Variants in ITGA5 observed in about 807,000 individuals in gnomAD.
The protein encoded by ITGA5 is integrin alpha-5.
A neutral mutation model predicts 146.3 loss-of-function variants in ITGA5; 55 were observed. The observed-to-expected ratio is 0.38, with a 90% CI of 0.30 to 0.47. The LOEUF (loss-of-function observed/expected upper bound fraction) is 0.47, where lower values mean the gene tolerates loss of function less well. ITGA5 is among the 20% of genes least tolerant of loss of function. The pLI is 0.99. For synonymous variants in ITGA5, 500 were observed against 531.8 expected (o/e 0.94, Z 0.82); for missense variants, 1,131 against 1,329.0 (o/e 0.85, Z 2.32).
rs1321140126 is a variant in ITGA5, at chr12:54,409,615, G to C, written c.350-18C>G. ...CCGAGAGCCTTGTGGAAGTGAGAAG[G>C]GGGAGTCTTACTGAGCCATGGACAT... On this transcript the variant is annotated intron_variant, in intron 2 of 29. Coordinates refer to ENST00000293379, the MANE Select transcript of ITGA5 (RefSeq NM_002205.5). The surrounding 1 kb of genome is among the most constrained non-coding windows in gnomAD (Gnocchi z 4.7). 5.1e-6 allele frequency: 8 copies of C among 1,558,492 alleles called. No homozygotes were observed. Among genetic ancestry groups the C allele is most frequent in the Non-Finnish European group, 7.1e-6 (8 of 1,134,484 alleles).
chr12:54,411,981 C>T lies in ITGA5; in HGVS notation c.219-17G>A, dbSNP rs1249181. On this transcript the variant is annotated splice_polypyrimidine_tract_variant and intron_variant, in intron 1 of 29. Coordinates refer to ENST00000293379, the MANE Select transcript of ITGA5 (RefSeq NM_002205.5). Reference sequence around the variant, plus strand: ...ACACTGACCCTGTGGGGGGGAAAAGCGAGGCAGTTGAGGATGGCTCCTAGC... The same window carrying T: ...ACACTGACCCTGTGGGGGGGAAAAGTGAGGCAGTTGAGGATGGCTCCTAGC... The T allele has an allele frequency of 0.9, 1,394,505 of 1,554,872 alleles. 626,651 individuals carry two copies. Among genetic ancestry groups the T allele is most frequent in the East Asian group, 0.92 (38,786 of 42,168 alleles).
At chr12:54,397,153 A>T in intron 29 of ITGA5, 2 of 444,452 alleles carry the variant, frequency 4.5e-6, no homozygotes, top group Admixed American at 3.8e-5. Context: ...CAAACTTATC[A>T]TCTTGAGTCA....
intron 7 of ITGA5, 79 bp from the exon 8 acceptor site, chr12:54,407,955 C>T: frequency 6.6e-7 from 1 of 1,519,618 alleles, no homozygotes; most frequent in Non-Finnish European, 8.9e-7. Flanking sequence ...AATCCCTTCC[C>T]CACCCCTACT....
intron 8 of ITGA5, 31 bp from the exon 9 acceptor site, chr12:54,407,723 G>A: frequency 6.2e-7 from 1 of 1,611,672 alleles, no homozygotes; most frequent in Non-Finnish European, 8.5e-7. Context: ...TGTGACCTAA[G>A]GGTGGGGAAA....
At chr12:54,396,433 C>A (rs1955711632) in intron 29 of ITGA5, 57 bp from the exon 30 acceptor site, 5 of 1,373,174 alleles carry the variant, frequency 3.6e-6, no homozygotes, top group East Asian at 2.3e-5. Flanking sequence ...TTCTCCACAG[C>A]TCTTATTCCA....
chr12:54,405,654 C>T lies in ITGA5; in HGVS notation c.1016+10G>A, dbSNP rs1955856694. On this transcript the variant is annotated intron_variant, in intron 11 of 29. Transcript: ENST00000293379. The stretch of plus-strand genomic sequence containing the variant: ...AGGGTATCACAGTGCGCTCATTTCC[C>T]ACCACTCACCCGTCCCCATTGACGT... 2 of 1,610,682 alleles carry T rather than the reference C, an allele frequency of 1.2e-6. No homozygotes were observed. Among genetic ancestry groups the T allele is most frequent in the Non-Finnish European group, 8.5e-7 (1 of 1,177,342 alleles).
At chr12:54,404,379 C>T (rs185312486) in intron 14 of ITGA5, 51 bp downstream of exon 14, 1 of 1,600,428 alleles carries the variant, frequency 6.2e-7, no homozygotes, top group Non-Finnish European at 8.6e-7. Flanking sequence ...TGAGAAATTT[C>T]CAGTTCCAGT....
chr12:54,419,032 G>A lies in ITGA5; in HGVS notation c.167C>T (p.Pro56Leu), dbSNP rs777360125. ...CACTGAGAATCCGAAGAAGGAGCCC[G>A]GGGGCCCCGAGAGTACTGCTGGGGC... is the stretch of plus-strand genomic sequence containing the variant. The part of the protein sequence containing the change: ...AEAPAVLSGP[P>L]GSFFGFSVEF... Residue 56 changes from proline to leucine, a missense_variant, in exon 1 of 30, where the codon CCG becomes CTG. By Grantham distance (98) the Pro-to-Leu change is moderately conservative. Around this residue, in one of 3 missense-constraint regions of ITGA5, gnomAD observed 175 missense variants for 179.3 expected, o/e 0.98. Transcript: ENST00000293379. The A allele has an allele frequency of 1.3e-6, 2 of 1,597,684 alleles. No individual in the cohort carries two copies. The highest frequency in any genetic ancestry group is 2.2e-5 in the South Asian group (2 of 89,264).
rs2120580595 is a variant in ITGA5 at position 54,416,038 on chromosome 12, G to T, written c.218+2943C>A. On this transcript the variant is annotated intron_variant, in intron 1 of 29. Transcript: ENST00000293379. This position sits in a 1 kb window ranked among gnomAD's most constrained non-coding sequence, Gnocchi z 4.1. ...GTTCAAAATTTCTATGACTCCTGAA[G>T]CCTCAGTTGTTTTTATTTTTTGTTT... 6.6e-6 allele frequency among the ~76,000 whole-genome samples: 1 copy of T among 152,238 alleles called. No individual in the cohort carries two copies. The highest frequency in any genetic ancestry group is 2.1e-4 in the South Asian group (1 of 4,818).
chr12:54,414,104 A>T (rs756865559), intron 1 of ITGA5, among the ~76,000 whole-genome samples: 1 of 152,214 alleles, frequency 6.6e-6, no homozygotes, highest in African/African-American at 2.4e-5. Context: ...CAGGCAAGGG[A>T]CACAGACCTA....
At position 54,405,278 on chromosome 12, in the gene ITGA5, G is replaced by T; in HGVS notation, c.1113C>A (p.His371Gln). 1 of 1,613,958 alleles carries T rather than the reference G, an allele frequency of 6.2e-7. No individual in the cohort carries two copies. The highest frequency in any genetic ancestry group is 8.5e-7 in the Non-Finnish European group (1 of 1,179,950). Reference protein sequence around the residue: ...EVGRVYVYLQHPAGIEPTPTL... With the variant: ...EVGRVYVYLQQPAGIEPTPTL... ...TGGGCGTGGGCTCTATGCCGGCTGGGTGCTGCAGGTAGACGTAGACCCTGC... is the reference window on the plus strand; with the variant it reads ...TGGGCGTGGGCTCTATGCCGGCTGGTTGCTGCAGGTAGACGTAGACCCTGC... Residue 371 changes from histidine to glutamine, a missense_variant, in exon 12 of 30, where the codon CAC becomes CAA. Physicochemically the swap from His to Gln is conservative, Grantham distance 24. Transcript: ENST00000293379.
intron 1 of ITGA5, among the ~76,000 whole-genome samples, chr12:54,414,799 A>G (rs1366208245): frequency 6.6e-6 from 1 of 150,494 alleles, no homozygotes; most frequent in Non-Finnish European, 1.5e-5. Context: ...GGGAGCCGAG[A>G]TCACGCCACT....
rs930773908 is a variant in ITGA5, at chr12:54,396,129, C to A, written c.*164G>T. 1.7e-6 allele frequency: 1 copy of A among 604,170 alleles called. No individual in the cohort carries two copies. Among genetic ancestry groups the A allele is most frequent in the Non-Finnish European group, 3.0e-6 (1 of 337,324 alleles). The allele number at this position is 604,170 out of a possible 1,614,324, so 37.4% of individuals were successfully genotyped here. A position where few individuals can be genotyped will look rare whatever the true frequency, so the allele number is the denominator to read the frequency against. On this transcript the variant is annotated 3_prime_UTR_variant, in exon 30 of 30. Coordinates refer to ENST00000293379, the MANE Select transcript of ITGA5 (RefSeq NM_002205.5). The stretch of plus-strand genomic sequence containing the variant: ...GCATGGGGGGGAGGGATCCCCAGCT[C>A]CTCACCCCCCTGGCTCTGGCCCTTC...
chr12:54,404,549 T>C, intron 13 of ITGA5, 74 bp from the exon 14 acceptor site: 2 of 1,573,794 alleles, frequency 1.3e-6, no homozygotes, highest in Non-Finnish European at 1.7e-6. Context: ...CCCTCCTGGT[T>C]TCAACGCTCA....
At chr12:54,405,425 A>G in intron 11 of ITGA5, 51 bp from the exon 12 acceptor site, 1 of 1,412,002 alleles carries the variant, frequency 7.1e-7, no homozygotes, top group Non-Finnish European at 9.7e-7. Context: ...TTGCCACCCC[A>G]CCCCAATCCT....
chr12:54,401,735 G>C lies in ITGA5; in HGVS notation c.2306+41C>G. On this transcript the variant is annotated intron_variant, in intron 22 of 29. Coordinates refer to ENST00000293379, the MANE Select transcript of ITGA5 (RefSeq NM_002205.5). This position sits in a 1 kb window ranked among gnomAD's most constrained non-coding sequence, Gnocchi z 5.0. Reference sequence around the variant, plus strand: ...AGAATGGCGCCCAGCCCTCCCTTCCGTCCCCAGCTCAGCCCCAGCCTAGAC... The same window carrying C: ...AGAATGGCGCCCAGCCCTCCCTTCCCTCCCCAGCTCAGCCCCAGCCTAGAC... 1.9e-6 allele frequency: 3 copies of C among 1,610,502 alleles called. No homozygotes were observed. Among genetic ancestry groups the C allele is most frequent in the Middle Eastern group, 1.7e-4 (1 of 6,056 alleles).
Position 54,402,082 on chromosome 12 carries a change from G to A in ITGA5, c.2145C>T (p.Ser715=), listed in dbSNP as rs143413339. The change falls in exon 21 of 30, where the codon AGC becomes AGT. Residue 715 remains serine, a synonymous_variant. Transcript: ENST00000293379. Reference sequence around the variant, plus strand: ...TCACGGCAAAGTAGTCACAGCTCAGGCTGGAGAAGTTCTGGAGATGGGGTG... The same window carrying A: ...TCACGGCAAAGTAGTCACAGCTCAGACTGGAGAAGTTCTGGAGATGGGGTG... ...GLVRHPGNFS[S]LSCDYFAVNQ... is the part of the protein sequence containing the mutation. 17 of 1,614,046 alleles carry A rather than the reference G, an allele frequency of 1.1e-5. No homozygotes were observed. The African/African-American group carries it at 1.1e-4, about 10-fold the overall frequency.
At position 54,401,844 on chromosome 12, in the gene ITGA5, G is replaced by T. The variant is rs760467852; in HGVS notation, c.2238C>A (p.Gly746=). 1.9e-6 allele frequency: 3 copies of T among 1,614,062 alleles called. No homozygotes were observed. The highest frequency in any genetic ancestry group is 2.5e-6 in the Non-Finnish European group (3 of 1,179,938). Reference sequence around the variant, plus strand: ...GGAGATGAGGGACTGTAAACCGAAGGCCACCCCACAGCTGGGGACAGAAAA... The same window carrying T: ...GGAGATGAGGGACTGTAAACCGAAGTCCACCCCACAGCTGGGGACAGAAAA... ...PMKAGASLWG[G]LRFTVPHLRD... Residue 746 remains glycine, a synonymous_variant, in exon 22 of 30, where the codon GGC becomes GGA. Transcript: ENST00000293379. The surrounding 1 kb of genome is among the most constrained non-coding windows in gnomAD (Gnocchi z 5.0).
intron 9 of ITGA5, chr12:54,407,266 T>C: frequency 4.4e-6 from 1 of 227,822 alleles, no homozygotes; most frequent in South Asian, 7.9e-5. Context: ...TTGAATGAAA[T>C]CCGATGGCAC....
Sources: allele counts gnomAD v4.1 joint callset (sites outside exome capture counted in the v4.1 genomes callset), GRCh38; gene constraint gnomAD v4.1.1; regional missense constraint gnomAD v4.1.1; non-coding constraint Gnocchi (gnomAD v3.1); transcripts MANE v1.5; gene names NCBI Gene and HGNC (gene_info 2026-07-23, HGNC 2026-07-21).